The following POFUT3 variants were observed in gnomAD, a reference collection of about 807,000 sequenced individuals.
POFUT3 encodes the protein GDP-fucose protein O-fucosyltransferase 3.
At chr8:33,441,330 C>CAA in the POFUT3 span, among the ~76,000 whole-genome samples, 65,116 of 118,162 alleles carry the variant, frequency 0.55, 17,685 homozygotes, top group Non-Finnish European at 0.6. Flanking sequence ...GACTCCATCT[C>CAA]AAAAAAAAAA....
chr8:33,451,615 T>C, the POFUT3 span: 3 of 152,164 alleles, frequency 2.0e-5, no homozygotes, highest in African/African-American at 7.2e-5. Flanking sequence ...TGTGTATATG[T>C]GTATATATGT....
chr8:33,468,637 T>G, the POFUT3 span, among the ~76,000 whole-genome samples: 2 of 152,186 alleles, frequency 1.3e-5, no homozygotes, highest in East Asian at 3.9e-4. Flanking sequence ...TTCAGGCACT[T>G]TTAAGTACCT....
the POFUT3 span, among the ~76,000 whole-genome samples, chr8:33,428,611 A>C: frequency 6.6e-6 from 1 of 152,046 alleles, no homozygotes; most frequent in African/African-American, 2.4e-5. Flanking sequence ...TATGGTTTGA[A>C]CGTGTCTCCC....
At chr8:33,340,531 A>T in the POFUT3 span, among the ~76,000 whole-genome samples, 1 of 152,136 alleles carries the variant, frequency 6.6e-6, no homozygotes, top group South Asian at 2.1e-4. Context: ...CACGCTGCCC[A>T]TAAGAAATTC....
chr8:33,336,183 G>T, the POFUT3 span, among the ~76,000 whole-genome samples: 1 of 152,312 alleles, frequency 6.6e-6, no homozygotes, highest in African/African-American at 2.4e-5. Flanking sequence ...TCAACAAAAT[G>T]ATAAATCCTG....
At chr8:33,407,274 C>T in the POFUT3 span, among the ~76,000 whole-genome samples, 1 of 152,176 alleles carries the variant, frequency 6.6e-6, no homozygotes, top group Non-Finnish European at 1.5e-5. Flanking sequence ...GATTAGGACA[C>T]ATCGTCTGAG....
the POFUT3 span, among the ~76,000 whole-genome samples, chr8:33,382,486 A>G: frequency 6.6e-6 from 1 of 152,318 alleles, no homozygotes; most frequent in African/African-American, 2.4e-5. Context: ...GATGGGTGGC[A>G]AATGACTTAG....
the POFUT3 span, among the ~76,000 whole-genome samples, chr8:33,426,840 C>T: frequency 6.6e-6 from 1 of 152,194 alleles, no homozygotes; most frequent in African/African-American, 2.4e-5. Flanking sequence ...TGATCTGGCC[C>T]TGAAGGACCC....
chr8:33,348,636 T>A, the POFUT3 span, among the ~76,000 whole-genome samples: 1 of 152,162 alleles, frequency 6.6e-6, no homozygotes. Context: ...TTGGGGATAT[T>A]AGGGCAGGCT....
At chr8:33,380,215 C>CTATATATATATACTATATATATATAG in the POFUT3 span, among the ~76,000 whole-genome samples, 1 of 35,596 alleles carries the variant, frequency 2.8e-5, no homozygotes, top group Non-Finnish European at 4.4e-5. Flanking sequence ...TATATATATA[C>CTATATATATATACTATATATATATAG]TATATATATA....
the POFUT3 span, among the ~76,000 whole-genome samples, chr8:33,388,585 C>A: frequency 3.3e-5 from 5 of 152,068 alleles, no homozygotes; most frequent in African/African-American, 4.8e-5. Flanking sequence ...GATCCACCCA[C>A]CTCAACCTCC....
the POFUT3 span, among the ~76,000 whole-genome samples, chr8:33,418,869 T>C: frequency 6.6e-6 from 1 of 152,158 alleles, no homozygotes; most frequent in Non-Finnish European, 1.5e-5. Flanking sequence ...ATGACACATA[T>C]ACACAATATA....
At chr8:33,436,363 C>A in the POFUT3 span, 1 of 1,362,222 alleles carries the variant, frequency 7.3e-7, no homozygotes, top group South Asian at 1.2e-5. Flanking sequence ...AAGGCATCAT[C>A]TTTCATGATG....
At chr8:33,391,842 A>G in the POFUT3 span, among the ~76,000 whole-genome samples, 1 of 152,184 alleles carries the variant, frequency 6.6e-6, no homozygotes. Context: ...GATTTGAGTG[A>G]GTGACCCAAA....
the POFUT3 span, among the ~76,000 whole-genome samples, chr8:33,341,165 G>A: frequency 1.3e-5 from 2 of 152,078 alleles, no homozygotes; most frequent in African/African-American, 4.8e-5. Flanking sequence ...GCGAGGCGCG[G>A]TGGCTCACAC....
the POFUT3 span, among the ~76,000 whole-genome samples, chr8:33,425,949 G>A: frequency 6.6e-6 from 1 of 151,796 alleles, no homozygotes; most frequent in Non-Finnish European, 1.5e-5. Flanking sequence ...GTTGCTCCAG[G>A]CTGGAGTGCA....
the POFUT3 span, among the ~76,000 whole-genome samples, chr8:33,357,175 G>A: frequency 2.6e-5 from 4 of 152,056 alleles, no homozygotes; most frequent in South Asian, 2.1e-4. Context: ...GGTTCCATAC[G>A]AACTTTAAAG....
the POFUT3 span, chr8:33,372,621 T>C: frequency 6.2e-7 from 1 of 1,614,028 alleles, no homozygotes; most frequent in Non-Finnish European, 8.5e-7. Context: ...GATGAAAAGT[T>C]TTGATTCCTA....
chr8:33,319,142 T>A, the POFUT3 span, among the ~76,000 whole-genome samples: 3 of 17,370 alleles, frequency 1.7e-4, no homozygotes, highest in Non-Finnish European at 3.5e-4. Flanking sequence ...TATATTTATA[T>A]AATATATAAA....
Sources: gnomAD v4.1 joint callset for allele counts (sites outside exome capture counted in the v4.1 genomes callset) on GRCh38, gnomAD v4.1.1 for gene constraint, MANE v1.5 for transcripts, NCBI Gene and HGNC (gene_info 2026-07-23, HGNC 2026-07-21) for gene names.